Variants in NYAP2 observed in about 807,000 individuals in gnomAD.
The protein encoded by NYAP2 is neuronal tyrosine-phosphorylated phosphoinositide-3-kinase adapter 2.
In NYAP2, 23 loss-of-function variants were observed where a neutral mutation model predicts 50.4. The observed-to-expected ratio is 0.46, with a 90% confidence interval of 0.33 to 0.65. The LOEUF (loss-of-function observed/expected upper bound fraction) is 0.65. Ranked by LOEUF, NYAP2 falls within the 30% of genes least tolerant of loss-of-function variation. The pLI is 0.02. For missense variants in NYAP2, 885 were observed against 861.0 expected (o/e 1.03, Z -0.35); for synonymous variants, 394 against 365.2 (o/e 1.08, Z -0.90).
At chr2:225,626,679 G>A (rs979596796) in intron 5 of NYAP2, among the ~76,000 whole-genome samples, 12 of 152,080 alleles carry the variant, frequency 7.9e-5, no homozygotes, top group Non-Finnish European at 1.5e-4. Flanking sequence ...CTAAAGATTC[G>A]TCGAGGTACT....
At chr2:225,540,811 G>A (rs533816787) in intron 4 of NYAP2, among the ~76,000 whole-genome samples, 1 of 152,246 alleles carries the variant, frequency 6.6e-6, no homozygotes, top group East Asian at 1.9e-4. Context: ...TTAGTTGTGG[G>A]ATTATTGGAA....
At chr2:225,660,477 C>G in the NYAP2 span, among the ~76,000 whole-genome samples, 4 of 125,804 alleles carry the variant, frequency 3.2e-5, no homozygotes, top group African/African-American at 1.1e-4. Context: ...TCAGCATTTA[C>G]TTAAAGATTC....
chr2:225,647,848 A>G (rs1450359962), intron 6 of NYAP2, among the ~76,000 whole-genome samples: 3 of 152,126 alleles, frequency 2.0e-5, no homozygotes, highest in Non-Finnish European at 2.9e-5. Flanking sequence ...TAGGTCTTAG[A>G]AAATGGTGAG....
At chr2:225,412,807 G>A (rs1391875121) in intron 3 of NYAP2, among the ~76,000 whole-genome samples, 1 of 152,094 alleles carries the variant, frequency 6.6e-6, no homozygotes, top group Non-Finnish European at 1.5e-5. Context: ...AAACCAAGAT[G>A]GAAGCCTGTT....
chr2:225,691,578 T>C, the NYAP2 span, among the ~76,000 whole-genome samples: 1 of 152,104 alleles, frequency 6.6e-6, no homozygotes, highest in Non-Finnish European at 1.5e-5. Context: ...GTTTTTATAA[T>C]TCAAAAATCA....
At chr2:225,459,726 C>A (rs1332516607) in intron 3 of NYAP2, among the ~76,000 whole-genome samples, 1 of 152,090 alleles carries the variant, frequency 6.6e-6, no homozygotes, top group Non-Finnish European at 1.5e-5. Context: ...TTACTGCAAG[C>A]TCCACCTCCC....
intron 3 of NYAP2, among the ~76,000 whole-genome samples, chr2:225,465,332 C>A (rs980032243): frequency 1.3e-5 from 2 of 151,958 alleles, no homozygotes; most frequent in African/African-American, 4.8e-5. Context: ...CCTCTGTGAC[C>A]CTACATTTTT....
the NYAP2 span, among the ~76,000 whole-genome samples, chr2:225,683,384 T>C: frequency 6.6e-6 from 1 of 152,190 alleles, no homozygotes; most frequent in African/African-American, 2.4e-5. Context: ...GTCACAACTA[T>C]AGAAGCCTCG....
intron 6 of NYAP2, 135 bp downstream of exon 6, chr2:225,627,261 C>T (rs940666572): frequency 1.9e-5 from 13 of 690,830 alleles, no homozygotes; most frequent in African/African-American, 1.4e-4. Flanking sequence ...TAACCATTCA[C>T]GTAGGTTACA....
rs192110961 is a variant in NYAP2 at position 225,616,689 on chromosome 2, G to A, written c.1619-10228G>A. Among the ~76,000 whole-genome samples the A allele has an allele frequency of 1.2e-4, 19 of 152,234 alleles. No individual in the cohort carries two copies. In the East Asian group the frequency reaches 3.1e-3, roughly 25 times the overall value. On this transcript the variant is annotated intron_variant, in intron 5 of 6. Transcript: ENST00000636099. Reference sequence around the variant, plus strand: ...AGAATTGAGCCAAGGTTTCCCATGAGGTAGGAACTGGTCTTCCCTGGAGTT... The same window carrying A: ...AGAATTGAGCCAAGGTTTCCCATGAAGTAGGAACTGGTCTTCCCTGGAGTT...
intron 3 of NYAP2, among the ~76,000 whole-genome samples, chr2:225,485,283 A>G (rs1026223512): frequency 2.6e-5 from 4 of 151,728 alleles, no homozygotes; most frequent in Admixed American, 6.6e-5. Flanking sequence ...TGATTGTGAG[A>G]CCTCCCCAGC....
chr2:225,428,600 C>T (rs1043096703), intron 3 of NYAP2, among the ~76,000 whole-genome samples: 1 of 152,180 alleles, frequency 6.6e-6, no homozygotes, highest in Non-Finnish European at 1.5e-5. Context: ...ATTTGGCCTG[C>T]AGTTCATAGC....
intron 5 of NYAP2, among the ~76,000 whole-genome samples, chr2:225,603,066 T>C (rs925630792): frequency 1.3e-5 from 2 of 152,234 alleles, no homozygotes; most frequent in Admixed American, 1.3e-4. Context: ...TTAAAAATAT[T>C]AGGCTGAGGC....
In NYAP2 at chr2:225,514,874, G is replaced by A. The variant is rs140119976; in HGVS notation, c.523+1202G>A. ...CTCTAGGGTACCAAGTATATTTGCC[G>A]CAGAGAGCCACATGGTCCTTTCTTC... is the stretch of plus-strand genomic sequence containing the variant. On this transcript the variant is annotated intron_variant, in intron 4 of 6. Transcript: ENST00000636099. Among the ~76,000 whole-genome samples the A allele has an allele frequency of 4.8e-4, 73 of 152,198 alleles. 1 individual carries two copies. The highest frequency in any genetic ancestry group is 1.7e-3 in the African/African-American group (69 of 41,534).
downstream of NYAP2, among the ~76,000 whole-genome samples, chr2:225,656,241 C>T (rs1417777845): frequency 1.3e-5 from 2 of 152,074 alleles, no homozygotes; most frequent in East Asian, 1.9e-4. Context: ...TAGTGCTTTG[C>T]CTCTGAAGCC....
At chr2:225,561,732 A>G (rs1431077) in intron 4 of NYAP2, among the ~76,000 whole-genome samples, 44,967 of 152,044 alleles carry the variant, frequency 0.3, 8,240 homozygotes, top group Non-Finnish European at 0.4. Context: ...GATAGTTGCA[A>G]TGTAAAAATC....
chr2:225,567,953 C>A (rs979732716), intron 4 of NYAP2, among the ~76,000 whole-genome samples: 31 of 152,126 alleles, frequency 2.0e-4, no homozygotes, highest in African/African-American at 6.8e-4. Flanking sequence ...AGAGCAATCC[C>A]ACATGGCATC....
At chr2:225,552,301 A>T (rs1170924694) in intron 4 of NYAP2, among the ~76,000 whole-genome samples, 1 of 152,214 alleles carries the variant, frequency 6.6e-6, no homozygotes, top group Non-Finnish European at 1.5e-5. Context: ...CATATAAAGA[A>T]TGAAGTCAAC....
chr2:225,570,313 A>G (rs1692044421), intron 4 of NYAP2, among the ~76,000 whole-genome samples: 2 of 152,226 alleles, frequency 1.3e-5, no homozygotes, highest in East Asian at 1.9e-4. Context: ...GACAAACTCA[A>G]AGAGATGGGT....
Sources: allele counts gnomAD v4.1 joint callset (sites outside exome capture counted in the v4.1 genomes callset), GRCh38; gene constraint gnomAD v4.1.1; transcripts MANE v1.5; gene names NCBI Gene and HGNC (gene_info 2026-07-23, HGNC 2026-07-21).